SSR1: variants seen among roughly 807,000 people sequenced by gnomAD.
SSR1 encodes the protein translocon-associated protein subunit alpha.
SSR1 carries 13 observed loss-of-function variants against 36.1 expected under a neutral mutation model. The ratio of observed to expected loss-of-function variants is 0.36; its 90% confidence interval spans 0.23 to 0.57. The LOEUF is 0.57. SSR1 is among the 20% of genes least tolerant of loss of function. The pLI, the probability that SSR1 is intolerant of heterozygous loss-of-function variation, is 0.81. For synonymous variants in SSR1, 113 were observed against 118.9 expected (o/e 0.95, Z 0.32); for missense variants, 291 against 338.5 (o/e 0.86, Z 1.10).
At chr6:7,301,260 G>GC in intron 4 of SSR1, 50 bp downstream of exon 4, 1 of 1,585,420 alleles carries the variant, frequency 6.3e-7, no homozygotes, top group Non-Finnish European at 8.6e-7. Flanking sequence ...CAACGTCACC[G>GC]CCCCCATCCA....
At chr6:7,290,680 TTTTTTTGGTATG>T (rs1483839033) in intron 7 of SSR1, among the ~76,000 whole-genome samples, 1 of 152,176 alleles carries the variant, frequency 6.6e-6, no homozygotes, top group Non-Finnish European at 1.5e-5. Flanking sequence ...TCGTATTGTT[TTTTTTTGGTATG>T]TTTGTATACT....
intron 2 of SSR1, among the ~76,000 whole-genome samples, chr6:7,306,885 C>G (rs995245975): frequency 1.1e-4 from 17 of 149,218 alleles, no homozygotes; most frequent in South Asian, 2.1e-4. Flanking sequence ...CCACTGCACT[C>G]CAGCCTGGGC....
chr6:7,293,186 T>TA (rs1757720862), intron 7 of SSR1, among the ~76,000 whole-genome samples: 1 of 150,626 alleles, frequency 6.6e-6, no homozygotes, highest in African/African-American at 2.5e-5. Context: ...TTTTTTTTTT[T>TA]AATAGATTTT....
intron 2 of SSR1, among the ~76,000 whole-genome samples, chr6:7,309,007 C>T (rs1402589920): frequency 3.3e-5 from 5 of 152,222 alleles, no homozygotes; most frequent in African/African-American, 7.2e-5. Context: ...CATGTCACCA[C>T]GATCCTGAAT....
At chr6:7,296,053 T>C (rs1027861413) in intron 6 of SSR1, among the ~76,000 whole-genome samples, 2 of 152,172 alleles carry the variant, frequency 1.3e-5, no homozygotes, top group Non-Finnish European at 2.9e-5. Context: ...GTAAGCTAAA[T>C]ACAATTAAAC....
At chr6:7,294,505 T>C (rs1462985409) in intron 7 of SSR1, among the ~76,000 whole-genome samples, 2 of 151,112 alleles carry the variant, frequency 1.3e-5, no homozygotes, top group Non-Finnish European at 2.9e-5. Context: ...CAGGCCAACA[T>C]GGTGAAACCC....
intron 6 of SSR1, chr6:7,297,159 G>A: frequency 6.4e-6 from 2 of 312,568 alleles, no homozygotes; most frequent in Non-Finnish European, 1.3e-5. Flanking sequence ...GGCGGAGGTT[G>A]CAGTAAGCAA....
At chr6:7,303,194 A>G (rs967971904) in intron 3 of SSR1, among the ~76,000 whole-genome samples, 9 of 148,632 alleles carry the variant, frequency 6.1e-5, no homozygotes, top group African/African-American at 2.2e-4. Context: ...GGCAGTTTAA[A>G]GAAGTTTTAA....
chr6:7,283,246 AT>A lies in SSR1; in HGVS notation c.*6617del, dbSNP rs1757470021. 1 of 151,142 alleles carries A rather than the reference AT, an allele frequency of 6.6e-6. No homozygotes were observed. Among genetic ancestry groups the A allele is most frequent in the Non-Finnish European group, 1.5e-5 (1 of 67,802 alleles). The allele number at this position is 151,142 out of a possible 1,614,324, so 9.4% of individuals were successfully genotyped here. On this transcript the variant is annotated 3_prime_UTR_variant, in exon 8 of 8. Coordinates refer to ENST00000244763, the MANE Select transcript of SSR1 (RefSeq NM_003144.5). ...AGGCGTGCACCACCTCGCTCGGCTA[AT>A]TGTTTTTGTTCTTTTTTGAGATGGA... is the stretch of plus-strand genomic sequence containing the variant.
chr6:7,295,810 C>G (rs1255158319), intron 6 of SSR1, among the ~76,000 whole-genome samples: 1 of 152,196 alleles, frequency 6.6e-6, no homozygotes, highest in East Asian at 1.9e-4. Flanking sequence ...ATGTCTAGTA[C>G]TGATGATAAA....
At position 7,284,020 on chromosome 6, in the gene SSR1, CTACTCTT is replaced by C. The variant is rs1317169383; in HGVS notation, c.*5837_*5843del. On this transcript the variant is annotated 3_prime_UTR_variant, in exon 8 of 8. Transcript: ENST00000244763. The stretch of plus-strand genomic sequence containing the variant: ...ATGCTTGATGTTCTCCATCTGAACA[CTACTCTT>C]GACCACAGTATTTCTCATTCTCCTT... 2 of 152,206 alleles carry C rather than the reference CTACTCTT, an allele frequency of 1.3e-5. No homozygotes were observed. The highest frequency in any genetic ancestry group is 2.9e-5 in the Non-Finnish European group (2 of 68,046). The allele number at this position is 152,206 out of a possible 1,614,324, so 9.4% of individuals were successfully genotyped here.
chr6:7,310,277 G>A (rs1758161705), intron 1 of SSR1, among the ~76,000 whole-genome samples: 2 of 148,396 alleles, frequency 1.3e-5, no homozygotes, highest in East Asian at 3.9e-4. Flanking sequence ...CCTAGGTTGG[G>A]AGTACAGTTG....
intron 1 of SSR1, among the ~76,000 whole-genome samples, chr6:7,310,620 C>T (rs1380494757): frequency 1.3e-5 from 2 of 152,186 alleles, no homozygotes. Flanking sequence ...TAAAAGAAAA[C>T]AGCATTCTTG....
chr6:7,303,138 TAAAAAAAAAAAAAA>T (rs35763826), intron 3 of SSR1, among the ~76,000 whole-genome samples: 2 of 42,918 alleles, frequency 4.7e-5, no homozygotes, highest in African/African-American at 2.2e-4. Context: ...GACTACATCT[TAAAAAAAAAAAAAA>T]AAAAAAAAAA....
intron 3 of SSR1, among the ~76,000 whole-genome samples, chr6:7,302,866 C>T (rs774238264): frequency 5.3e-5 from 8 of 152,032 alleles, no homozygotes; most frequent in African/African-American, 1.7e-4. Flanking sequence ...GGGCCAGACG[C>T]GGTGGCTCAT....
intron 6 of SSR1, among the ~76,000 whole-genome samples, chr6:7,296,012 T>C (rs926407580): frequency 1.3e-5 from 2 of 152,232 alleles, no homozygotes; most frequent in African/African-American, 4.8e-5. Context: ...GGATAACTGC[T>C]GATATGTTAC....
chr6:7,293,892 C>A (rs962884711), intron 7 of SSR1, among the ~76,000 whole-genome samples: 6 of 152,100 alleles, frequency 3.9e-5, no homozygotes, highest in Admixed American at 3.9e-4. Flanking sequence ...TAAAGAAATG[C>A]AAATGAAACA....
At chr6:7,312,409 G>C (rs531984981) in intron 1 of SSR1, among the ~76,000 whole-genome samples, 3 of 152,290 alleles carry the variant, frequency 2.0e-5, no homozygotes, top group Non-Finnish European at 4.4e-5. Flanking sequence ...CAGTCTGCTT[G>C]GCAGCAGGGG....
chr6:7,311,729 C>T (rs1308018585), intron 1 of SSR1, among the ~76,000 whole-genome samples: 1 of 151,010 alleles, frequency 6.6e-6, no homozygotes, highest in Non-Finnish European at 1.5e-5. Flanking sequence ...CCCATGAAGT[C>T]TAACAGTCTT....
Sources: allele counts gnomAD v4.1 joint callset (sites outside exome capture counted in the v4.1 genomes callset), GRCh38; gene constraint gnomAD v4.1.1; transcripts MANE v1.5; gene names NCBI Gene and HGNC (gene_info 2026-07-23, HGNC 2026-07-21).